The following TCERG1L variants were observed in gnomAD, a reference collection of about 807,000 sequenced individuals.
TCERG1L encodes transcription elongation regulator 1-like protein.
In TCERG1L, 37 loss-of-function variants were observed where a neutral mutation model predicts 56.3. The ratio of observed to expected loss-of-function variants is 0.66; its 90% CI spans 0.51 to 0.87. The LOEUF (loss-of-function observed/expected upper bound fraction) is 0.87, where lower values mean the gene tolerates loss of function less well. Among genes scored for constraint, TCERG1L ranks in the 40% least tolerant of loss-of-function variants. The probability of loss-of-function intolerance (pLI) is 0.00; values close to 1 mark genes in which losing one functional copy is unlikely to be tolerated. For missense variants in TCERG1L, 799 were observed against 774.2 expected (o/e 1.03, Z -0.38); for synonymous variants, 324 against 326.3 (o/e 0.99, Z 0.08).
intron 4 of TCERG1L, among the ~76,000 whole-genome samples, chr10:131,176,947 A>ACACACAGAGATAGGAACACAC (rs1846164530): frequency 1.1e-3 from 22 of 20,186 alleles, no homozygotes; most frequent in African/African-American, 3.9e-3. Context: ...AACACACACC[A>ACACACAGAGATAGGAACACAC]AGACACGTGT....
intron 4 of TCERG1L, among the ~76,000 whole-genome samples, chr10:131,229,185 C>G (rs566284330): frequency 1.3e-5 from 2 of 152,066 alleles, no homozygotes; most frequent in African/African-American, 4.8e-5. Context: ...CCCCTCCAGA[C>G]AGGCATTTCC....
intron 8 of TCERG1L, among the ~76,000 whole-genome samples, chr10:131,123,561 C>G (rs1270944288): frequency 6.6e-6 from 1 of 152,150 alleles, no homozygotes; most frequent in Non-Finnish European, 1.5e-5. Flanking sequence ...GGATGCAGAT[C>G]CTGATGTCTC....
intron 4 of TCERG1L, among the ~76,000 whole-genome samples, chr10:131,204,053 C>A (rs934381851): frequency 6.6e-6 from 1 of 151,714 alleles, no homozygotes; most frequent in South Asian, 2.1e-4. Context: ...ATGGAATGAG[C>A]GACCTCATGG....
chr10:131,125,701 C>G (rs535018877), intron 8 of TCERG1L, among the ~76,000 whole-genome samples: 17 of 152,216 alleles, frequency 1.1e-4, no homozygotes, highest in Admixed American at 3.9e-4. Context: ...TCCGCCAGCT[C>G]TGCTCTGCTC....
chr10:131,175,646 A>C (rs1218907576), intron 4 of TCERG1L, among the ~76,000 whole-genome samples: 1 of 152,258 alleles, frequency 6.6e-6, no homozygotes, highest in Non-Finnish European at 1.5e-5. Flanking sequence ...TCTCATCTTT[A>C]TCCAAAGTAG....
chr10:131,265,009 G>A (rs930493342), intron 3 of TCERG1L, among the ~76,000 whole-genome samples: 7 of 152,140 alleles, frequency 4.6e-5, no homozygotes, highest in East Asian at 1.9e-4. Flanking sequence ...TGTCCCAGCC[G>A]AGCCCTTAAT....
intron 4 of TCERG1L, among the ~76,000 whole-genome samples, chr10:131,221,969 G>A (rs537387122): frequency 6.6e-6 from 1 of 152,210 alleles, no homozygotes; most frequent in African/African-American, 2.4e-5. Context: ...ATTTTCGCTT[G>A]TTTACTGCGG....
intron 4 of TCERG1L, among the ~76,000 whole-genome samples, chr10:131,244,868 C>G (rs979354858): frequency 6.6e-6 from 1 of 152,174 alleles, no homozygotes; most frequent in African/African-American, 2.4e-5. Flanking sequence ...CCACCACCCC[C>G]TAGATGGGCA....
At chr10:131,231,653 G>A (rs1445576203) in intron 4 of TCERG1L, among the ~76,000 whole-genome samples, 1 of 152,216 alleles carries the variant, frequency 6.6e-6, no homozygotes, top group Non-Finnish European at 1.5e-5. Flanking sequence ...TTCTATGCCT[G>A]TGACCTTCCT....
At chr10:131,097,217 AAAAAAG>A (rs1371861852) in intron 11 of TCERG1L, among the ~76,000 whole-genome samples, 3 of 151,686 alleles carry the variant, frequency 2.0e-5, no homozygotes, top group African/African-American at 7.3e-5. Flanking sequence ...AAAAAAAAAA[AAAAAAG>A]AAACAAACAA....
intron 4 of TCERG1L, among the ~76,000 whole-genome samples, chr10:131,200,388 GCTC>G (rs1191086418): frequency 6.6e-6 from 1 of 152,218 alleles, no homozygotes; most frequent in Non-Finnish European, 1.5e-5. Context: ...CCCAACCCCT[GCTC>G]CTGTGTCTGG....
chr10:131,297,220 G>A (rs373446987), intron 3 of TCERG1L, among the ~76,000 whole-genome samples: 58 of 152,076 alleles, frequency 3.8e-4, no homozygotes, highest in Non-Finnish European at 2.8e-4. Flanking sequence ...GTCAGTTTGC[G>A]GAAGTCCCCT....
intron 4 of TCERG1L, among the ~76,000 whole-genome samples, chr10:131,224,839 A>G (rs1470703864): frequency 6.6e-6 from 1 of 151,852 alleles, no homozygotes; most frequent in Non-Finnish European, 1.5e-5. Context: ...GCAAGATCTC[A>G]TTTTGATGAA....
At chr10:131,153,963 C>G (rs1462805517) in intron 6 of TCERG1L, among the ~76,000 whole-genome samples, 1 of 152,156 alleles carries the variant, frequency 6.6e-6, no homozygotes, top group East Asian at 1.9e-4. Flanking sequence ...TAAATAAATG[C>G]AGTTTCCCCA....
intron 8 of TCERG1L, among the ~76,000 whole-genome samples, chr10:131,121,221 G>A (rs553349153): frequency 5.9e-4 from 90 of 152,320 alleles, no homozygotes; most frequent in African/African-American, 2.0e-3. Flanking sequence ...GTGATGTGGG[G>A]AAAGTGCTGA....
chr10:131,277,385 C>A (rs1430127737), intron 3 of TCERG1L, among the ~76,000 whole-genome samples: 2 of 152,246 alleles, frequency 1.3e-5, no homozygotes, highest in Non-Finnish European at 2.9e-5. Context: ...GGAGCGGTCA[C>A]TGCAGCTGCC....
At chr10:131,194,157 T>C (rs1391613563) in intron 4 of TCERG1L, among the ~76,000 whole-genome samples, 1 of 152,258 alleles carries the variant, frequency 6.6e-6, no homozygotes. Context: ...CGTGTCTTCA[T>C]AAAGGTTCGC....
At chr10:131,251,559 T>A (rs937171967) in intron 4 of TCERG1L, among the ~76,000 whole-genome samples, 1 of 152,120 alleles carries the variant, frequency 6.6e-6, no homozygotes, top group African/African-American at 2.4e-5. Context: ...GGACTGCTGA[T>A]GTGGCCAGAT....
chr10:131,177,908 C>T (rs769526945), intron 4 of TCERG1L, among the ~76,000 whole-genome samples: 1 of 151,336 alleles, frequency 6.6e-6, no homozygotes, highest in Non-Finnish European at 1.5e-5. Flanking sequence ...ACACAGGAGC[C>T]GTCAGCCTCT....
Sources: gnomAD v4.1 joint callset for allele counts (sites outside exome capture counted in the v4.1 genomes callset) on GRCh38, gnomAD v4.1.1 for gene constraint, MANE v1.5 for transcripts, NCBI Gene and HGNC (gene_info 2026-07-23, HGNC 2026-07-21) for gene names.